Variants in ANO4 observed in about 807,000 individuals in gnomAD.
The protein encoded by ANO4 is anoctamin 4.
A neutral mutation model predicts 141.9 loss-of-function variants in ANO4; 69 were observed. That is an observed-to-expected ratio of 0.49 (90% CI 0.40 to 0.59). ANO4 has a LOEUF of 0.59. Among genes scored for constraint, ANO4 ranks in the 20% least tolerant of loss-of-function variants. The pLI is 0.00. For missense variants in ANO4, 894 were observed against 1,162.2 expected, an observed-to-expected ratio of 0.77 and a Z score of 3.36; for synonymous variants, 350 against 394.3, an observed-to-expected ratio of 0.89 and a Z score of 1.33.
chr12:100,972,901 C>A (rs1170770963), intron 6 of ANO4, among the ~76,000 whole-genome samples: 1 of 152,202 alleles, frequency 6.6e-6, no homozygotes, highest in East Asian at 1.9e-4. Flanking sequence ...TCTCTTACTA[C>A]CTGCAAAGGA....
intron 1 of ANO4, among the ~76,000 whole-genome samples, chr12:100,849,714 T>G (rs2037767836): frequency 6.6e-6 from 1 of 152,262 alleles, no homozygotes; most frequent in Admixed American, 6.5e-5. Context: ...CCCATGTCAT[T>G]TTGCGCATGC....
rs527773290 is a variant in ANO4 at position 101,032,652 on chromosome 12, G to T, written c.842-4443G>T. Among the ~76,000 whole-genome samples, 4 of 152,022 alleles carry T rather than the reference G, an allele frequency of 2.6e-5. No homozygotes were observed. The South Asian group carries it at 8.3e-4, about 32-fold the overall frequency. On this transcript the variant is annotated intron_variant, in intron 9 of 27. Coordinates refer to ENST00000392977, the MANE Select transcript of ANO4 (RefSeq NM_001286615.2). ...AACAAACAACCCCATCAAAAAGTGG[G>T]TGAAGGACATGAACAGACACTTCTC...
At chr12:100,886,805 C>T (rs2039855902) in intron 1 of ANO4, among the ~76,000 whole-genome samples, 1 of 152,060 alleles carries the variant, frequency 6.6e-6, no homozygotes, top group African/African-American at 2.4e-5. Context: ...ATAAATTATG[C>T]TCTGGCTCTT....
In ANO4 at chr12:100,987,587, A is replaced by G. The variant is rs760368972; in HGVS notation, c.651A>G (p.Pro217=). 1.5e-5 allele frequency: 24 copies of G among 1,613,976 alleles called. No individual in the cohort carries two copies. The highest frequency in any genetic ancestry group is 2.7e-5 in the African/African-American group (2 of 74,910). ...TTCGGAGATGGTTACCTAAGAAGCC[A>G]ATGAGGCTGGACAAGGAGACACTGC... ...SRFRRWLPKK[P]MRLDKETLPD... is the part of the protein sequence containing the mutation. The change falls in exon 8 of 28, where the codon CCA becomes CCG. Residue 217 remains proline (P), a synonymous_variant. Transcript: ENST00000392977.
chr12:100,802,385 C>T (rs2034751087), intron 1 of ANO4, among the ~76,000 whole-genome samples: 1 of 152,090 alleles, frequency 6.6e-6, no homozygotes, highest in Non-Finnish European at 1.5e-5. Context: ...CCTTGTCCCT[C>T]CTTTCTTTTT....
At chr12:100,910,307 C>T (rs1170630520) in intron 2 of ANO4, among the ~76,000 whole-genome samples, 1 of 152,200 alleles carries the variant, frequency 6.6e-6, no homozygotes, top group Non-Finnish European at 1.5e-5. Context: ...CTTGTTATCT[C>T]AGTTACCACT....
intron 1 of ANO4, among the ~76,000 whole-genome samples, chr12:100,821,547 TGAA>T (rs370564282): frequency 4.0e-5 from 2 of 50,258 alleles, no homozygotes; most frequent in African/African-American, 6.4e-5. Context: ...AGAATAGAGA[TGAA>T]GACAGAGTCA....
At chr12:101,125,977 T>G (rs1300053386) in intron 26 of ANO4, among the ~76,000 whole-genome samples, 19 of 152,226 alleles carry the variant, frequency 1.2e-4, no homozygotes. Flanking sequence ...AGCTCTTCAT[T>G]GTACCTCTGG....
intron 1 of ANO4, among the ~76,000 whole-genome samples, chr12:100,872,369 A>G (rs2039077984): frequency 6.6e-6 from 1 of 152,198 alleles, no homozygotes; most frequent in African/African-American, 2.4e-5. Context: ...AGCAGCCCCC[A>G]GGGAGAGTGA....
chr12:101,073,798 C>T (rs771190614), intron 14 of ANO4, among the ~76,000 whole-genome samples: 13 of 151,918 alleles, frequency 8.6e-5, no homozygotes, highest in Non-Finnish European at 4.4e-5. Context: ...CCTAATATGT[C>T]GACTAACGTT....
At chr12:101,011,692 G>A (rs140801009) in intron 8 of ANO4, among the ~76,000 whole-genome samples, 38 of 152,268 alleles carry the variant, frequency 2.5e-4, no homozygotes, top group African/African-American at 8.2e-4. Flanking sequence ...ACATTAATCT[G>A]AAACCCAGCT....
At chr12:101,045,686 T>C (rs1314846459) in intron 13 of ANO4, among the ~76,000 whole-genome samples, 7 of 152,146 alleles carry the variant, frequency 4.6e-5, no homozygotes, top group African/African-American at 1.4e-4. Flanking sequence ...TAATGGTACA[T>C]TTTGCCAGAA....
chr12:101,061,302 C>T (rs906253613), intron 14 of ANO4, among the ~76,000 whole-genome samples: 1 of 151,856 alleles, frequency 6.6e-6, no homozygotes, highest in Non-Finnish European at 1.5e-5. Flanking sequence ...TTCTCTCTGG[C>T]TGCCCTTAAC....
chr12:100,807,924 C>G (rs1039797391), intron 1 of ANO4, among the ~76,000 whole-genome samples: 1 of 152,138 alleles, frequency 6.6e-6, no homozygotes, highest in Non-Finnish European at 1.5e-5. Context: ...CATAATATTC[C>G]ACGGTATATA....
chr12:100,758,055 G>A (rs2032691698), intron 3 of ANO4, among the ~76,000 whole-genome samples: 1 of 152,176 alleles, frequency 6.6e-6, no homozygotes, highest in Non-Finnish European at 1.5e-5. Context: ...ACCCAGAAAT[G>A]TCCTAAACAG....
At chr12:100,734,105 C>T (rs1283713449) in intron 2 of ANO4, among the ~76,000 whole-genome samples, 1 of 152,192 alleles carries the variant, frequency 6.6e-6, no homozygotes, top group East Asian at 1.9e-4. Context: ...GTTCCCAGAT[C>T]TTCATCATTT....
chr12:100,863,194 A>G (rs766477904), intron 1 of ANO4, among the ~76,000 whole-genome samples: 10 of 152,182 alleles, frequency 6.6e-5, no homozygotes, highest in Non-Finnish European at 1.3e-4. Context: ...GAAGTGGATT[A>G]TACAGATCTT....
At chr12:100,779,123 G>A (rs2033632132) in intron 3 of ANO4, among the ~76,000 whole-genome samples, 1 of 152,102 alleles carries the variant, frequency 6.6e-6, no homozygotes, top group Non-Finnish European at 1.5e-5. Flanking sequence ...ATATATTCCT[G>A]GGCCACCAAC....
At chr12:100,834,998 G>A (rs542396105) in intron 1 of ANO4, among the ~76,000 whole-genome samples, 1 of 152,146 alleles carries the variant, frequency 6.6e-6, no homozygotes, top group Admixed American at 6.6e-5. Flanking sequence ...GATCAGAAAT[G>A]TAGGAGGGAA....
Sources: gnomAD v4.1 joint callset for allele counts (sites outside exome capture counted in the v4.1 genomes callset) on GRCh38, gnomAD v4.1.1 for gene constraint, MANE v1.5 for transcripts, NCBI Gene and HGNC (gene_info 2026-07-23, HGNC 2026-07-21) for gene names.